MGAT5: variants seen among roughly 807,000 people sequenced by gnomAD.
MGAT5 encodes alpha-1,6-mannosylglycoprotein 6-beta-N-acetylglucosaminyltransferase, also known as alpha-1,6-mannosylglycoprotein 6-beta-N-acetylglucosaminyltransferase A.
In MGAT5, 30 loss-of-function variants were observed where a neutral mutation model predicts 94.3. The ratio of observed to expected loss-of-function variants is 0.32; its 90% confidence interval spans 0.24 to 0.43. The LOEUF is 0.43. MGAT5 is among the 20% of genes least tolerant of loss of function. The pLI is 1.00. For missense variants in MGAT5, 691 were observed against 905.5 expected, an observed-to-expected ratio of 0.76 and a Z score of 3.04; for synonymous variants, 310 against 322.9, an observed-to-expected ratio of 0.96 and a Z score of 0.43.
intron 4 of MGAT5, among the ~76,000 whole-genome samples, chr2:134,331,514 A>G (rs1394745325): frequency 6.6e-6 from 1 of 152,110 alleles, no homozygotes; most frequent in Non-Finnish European, 1.5e-5. Flanking sequence ...TTATGGTGGT[A>G]AATTGTAGGC....
At chr2:134,403,672 G>A (rs1683183177) in intron 11 of MGAT5, among the ~76,000 whole-genome samples, 2 of 152,234 alleles carry the variant, frequency 1.3e-5, no homozygotes, top group Admixed American at 1.3e-4. Context: ...TGGATGGAGT[G>A]TAGACACACC....
At chr2:134,264,435 G>C (rs963485218) in intron 1 of MGAT5, among the ~76,000 whole-genome samples, 2 of 152,194 alleles carry the variant, frequency 1.3e-5, no homozygotes, top group African/African-American at 4.8e-5. Context: ...GAGATGACAA[G>C]CAGACTTGGT....
chr2:134,191,965 C>T (rs1366347788), intron 1 of MGAT5, among the ~76,000 whole-genome samples: 2 of 139,860 alleles, frequency 1.4e-5, no homozygotes, highest in Non-Finnish European at 3.1e-5. Context: ...TCCTCCTGCT[C>T]GCGCCAGCGG....
chr2:134,180,570 A>T (rs1688686782), intron 1 of MGAT5, among the ~76,000 whole-genome samples: 1 of 152,192 alleles, frequency 6.6e-6, no homozygotes, highest in Non-Finnish European at 1.5e-5. Flanking sequence ...GGGTTCCATG[A>T]TTAGAAAGCG....
chr2:134,202,725 A>G (rs1679850968), intron 1 of MGAT5, among the ~76,000 whole-genome samples: 1 of 152,200 alleles, frequency 6.6e-6, no homozygotes, highest in Non-Finnish European at 1.5e-5. Flanking sequence ...TTTTAAAGAC[A>G]TTCTTTAATC....
At chr2:134,297,726 A>G (rs548050690) in intron 2 of MGAT5, among the ~76,000 whole-genome samples, 4 of 152,272 alleles carry the variant, frequency 2.6e-5, no homozygotes, top group African/African-American at 7.2e-5. Flanking sequence ...ACAGGTTAAC[A>G]TCATACTTAC....
intron 13 of MGAT5, among the ~76,000 whole-genome samples, chr2:134,426,098 T>G (rs911887195): frequency 2.0e-5 from 3 of 152,146 alleles, no homozygotes; most frequent in African/African-American, 7.2e-5. Flanking sequence ...CATTAACAGC[T>G]GTCACTTCAG....
In MGAT5 at chr2:134,213,409, G is replaced by A. The variant is rs1322033029; in HGVS notation, c.-142-40853G>A. Among the ~76,000 whole-genome samples the A allele has an allele frequency of 1.1e-4, 15 of 137,066 alleles. No individual in the cohort carries two copies. The Admixed American group carries it at 1.3e-3, about 12-fold the overall frequency. The allele number at this position is 137,066 out of a possible 152,430, so 89.9% of individuals were successfully genotyped here. A position where few individuals can be genotyped will look rare whatever the true frequency, so the allele number is the denominator to read the frequency against. ...AAAAATTCTGTTTCTCAAAATACTT[G>A]TGACACCAAATGTGGGTGTTTTTTT... On this transcript the variant is annotated intron_variant, in intron 1 of 16. Transcript: ENST00000409645.
intron 10 of MGAT5, among the ~76,000 whole-genome samples, chr2:134,373,277 C>A (rs975392832): frequency 4.1e-4 from 62 of 152,148 alleles, no homozygotes; most frequent in African/African-American, 1.4e-3. Context: ...GACCCAGGGG[C>A]CTTTGGTGCC....
chr2:134,169,413 GACACACACACACAC>G (rs71660291), intron 1 of MGAT5, among the ~76,000 whole-genome samples: 1 of 126,866 alleles, frequency 7.9e-6, no homozygotes, highest in Admixed American at 7.8e-5. Context: ...CACACACACA[GACACACACACACAC>G]ACACACACAC....
chr2:134,431,198 C>T (rs982919550), intron 14 of MGAT5, among the ~76,000 whole-genome samples: 4 of 152,048 alleles, frequency 2.6e-5, no homozygotes, highest in Admixed American at 1.3e-4. Flanking sequence ...CGCTGAGGCT[C>T]GGCTGAAGAA....
At chr2:134,230,270 A>T (rs1681295469) in intron 1 of MGAT5, among the ~76,000 whole-genome samples, 1 of 152,150 alleles carries the variant, frequency 6.6e-6, no homozygotes, top group African/African-American at 2.4e-5. Flanking sequence ...CGCTGATATG[A>T]CAGGAGGTGG....
rs565021819 is a variant in MGAT5 at position 134,270,312 on chromosome 2, G to T, written c.242-74G>T. On this transcript the variant is annotated intron_variant, in intron 1 of 15. Coordinates refer to ENST00000281923, the MANE Select transcript of MGAT5 (RefSeq NM_002410.5). Reference sequence around the variant, plus strand: ...ACATTTGAGAAGTTTTGTTCTCCACGATAAAGAGAGAGCAAGCCAGACAGA... The same window carrying T: ...ACATTTGAGAAGTTTTGTTCTCCACTATAAAGAGAGAGCAAGCCAGACAGA... 123 of 1,416,176 alleles carry T rather than the reference G, an allele frequency of 8.7e-5. 1 individual carries two copies. In the South Asian group the frequency reaches 1.6e-3, roughly 18 times the overall value. 87.7% of individuals were successfully genotyped at this position (1,416,176 alleles called of 1,614,324 possible). A position where few individuals can be genotyped will look rare whatever the true frequency, so the allele number is the denominator to read the frequency against.
At chr2:134,416,473 AC>A (rs1683974913) in intron 12 of MGAT5, among the ~76,000 whole-genome samples, 1 of 124,584 alleles carries the variant, frequency 8.0e-6, no homozygotes, top group African/African-American at 3.4e-5. Flanking sequence ...CTCATTCCTT[AC>A]TTTTTTTTTT....
At chr2:134,308,600 G>A (rs1419310292) in intron 2 of MGAT5, among the ~76,000 whole-genome samples, 2 of 152,186 alleles carry the variant, frequency 1.3e-5, no homozygotes, top group Non-Finnish European at 2.9e-5. Flanking sequence ...TTCCCAGGAA[G>A]GTACTGAAAT....
intron 1 of MGAT5, among the ~76,000 whole-genome samples, chr2:134,197,764 C>T (rs924521421): frequency 2.0e-5 from 3 of 152,160 alleles, no homozygotes; most frequent in South Asian, 2.1e-4. Context: ...TTTCTGCCTG[C>T]TAAAGTTATA....
intron 10 of MGAT5, among the ~76,000 whole-genome samples, chr2:134,400,043 C>T (rs1354377560): frequency 6.6e-6 from 1 of 152,176 alleles, no homozygotes; most frequent in East Asian, 1.9e-4. Context: ...ACTGACCCTT[C>T]CATCCTGGAG....
chr2:134,390,590 GAACCCTGT>G (rs1336281516), intron 10 of MGAT5, among the ~76,000 whole-genome samples: 2 of 152,128 alleles, frequency 1.3e-5, no homozygotes, highest in African/African-American at 4.8e-5. Flanking sequence ...TCACATGGCA[GAACCCTGT>G]AACTATTTTA....
intron 12 of MGAT5, among the ~76,000 whole-genome samples, chr2:134,417,773 G>C (rs1182650142): frequency 6.6e-6 from 1 of 151,788 alleles, no homozygotes; most frequent in Non-Finnish European, 1.5e-5. Flanking sequence ...TCAAATTTTT[G>C]TATCATATAG....
Sources: allele counts gnomAD v4.1 joint callset (sites outside exome capture counted in the v4.1 genomes callset), GRCh38; gene constraint gnomAD v4.1.1; transcripts MANE v1.5; gene names NCBI Gene and HGNC (gene_info 2026-07-23, HGNC 2026-07-21).